Variants in CMBL observed in about 807,000 individuals in gnomAD.
The protein encoded by CMBL is carboxymethylenebutenolidase homolog (Pseudomonas).
A neutral mutation model predicts 28.7 loss-of-function variants in CMBL; 17 were observed. That is an observed-to-expected ratio of 0.59 (90% confidence interval 0.41 to 0.89). CMBL has a LOEUF of 0.89. CMBL is among the 40% of genes least tolerant of loss of function. The pLI is 0.00. For synonymous variants in CMBL, 106 were observed against 101.6 expected (o/e 1.04, Z -0.26); for missense variants, 310 against 298.5 (o/e 1.04, Z -0.28).
Position 10,280,345 on chromosome 5 carries a change from A to T in CMBL, c.*108T>A. On this transcript the variant is annotated 3_prime_UTR_variant, in exon 6 of 6. Transcript: ENST00000296658. Reference sequence around the variant, plus strand: ...TTCAAATGAAATAATCAATTTTAGGATTCCTACACTTATTTTATAAAAGTG... The same window carrying T: ...TTCAAATGAAATAATCAATTTTAGGTTTCCTACACTTATTTTATAAAAGTG... 1 of 777,882 alleles carries T rather than the reference A, an allele frequency of 1.3e-6. No homozygotes were observed. The highest frequency in any genetic ancestry group is 2.0e-6 in the Non-Finnish European group (1 of 507,044). The allele number at this position is 777,882 out of a possible 1,614,324, so 48.2% of individuals were successfully genotyped here. A position where few individuals can be genotyped will look rare whatever the true frequency, so the allele number is the denominator to read the frequency against.
intron 1 of CMBL, among the ~76,000 whole-genome samples, chr5:10,294,421 G>A (rs1420834136): frequency 6.6e-6 from 1 of 152,054 alleles, no homozygotes; most frequent in Non-Finnish European, 1.5e-5. Context: ...AAACTTAACT[G>A]GGCATGGTGG....
intron 5 of CMBL, among the ~76,000 whole-genome samples, chr5:10,281,576 T>G (rs367984026): frequency 1.2e-4 from 18 of 152,332 alleles, no homozygotes; most frequent in Admixed American, 7.8e-4. Context: ...CTGACTTTGT[T>G]TAATAAATCC....
intron 1 of CMBL, among the ~76,000 whole-genome samples, chr5:10,302,100 G>A (rs1367364183): frequency 6.6e-6 from 1 of 152,168 alleles, no homozygotes; most frequent in Non-Finnish European, 1.5e-5. Flanking sequence ...GCCAGGCCAC[G>A]CCTTGTGCCA....
At chr5:10,293,971 T>C (rs1319458284) in intron 1 of CMBL, among the ~76,000 whole-genome samples, 1 of 152,146 alleles carries the variant, frequency 6.6e-6, no homozygotes, top group South Asian at 2.1e-4. Flanking sequence ...AATGGTGTAT[T>C]GGGGAACAGC....
rs557767457 is a variant in CMBL at position 10,289,739 on chromosome 5, G to T, written c.215+809C>A. ...GGACGTGAAAAAGGAAAACTTCAAGGAAGGTCTTTTCATTCAGCACCGACT... is the reference window on the plus strand; with the variant it reads ...GGACGTGAAAAAGGAAAACTTCAAGTAAGGTCTTTTCATTCAGCACCGACT... On this transcript the variant is annotated intron_variant, in intron 2 of 5. Coordinates refer to ENST00000296658, the MANE Select transcript of CMBL (RefSeq NM_138809.4). The surrounding 1 kb of genome is among the most constrained non-coding windows in gnomAD (Gnocchi z 4.3). Among the ~76,000 whole-genome samples the T allele has an allele frequency of 2.1e-3, 327 of 152,318 alleles. No individual in the cohort carries two copies. The highest frequency in any genetic ancestry group is 2.1e-3 in the Non-Finnish European group (145 of 68,024).
intron 1 of CMBL, among the ~76,000 whole-genome samples, chr5:10,301,152 G>C (rs1320030885): frequency 6.6e-6 from 1 of 152,078 alleles, no homozygotes; most frequent in Admixed American, 6.6e-5. Flanking sequence ...GTTTTGATTT[G>C]AAGTATATAG....
chr5:10,292,330 C>G (rs1198541384), intron 1 of CMBL, among the ~76,000 whole-genome samples: 1 of 152,104 alleles, frequency 6.6e-6, no homozygotes, highest in East Asian at 1.9e-4. Flanking sequence ...CTTAGCCTCC[C>G]AAGTAGCTGG....
At chr5:10,296,783 C>T (rs530280285) in intron 1 of CMBL, among the ~76,000 whole-genome samples, 62 of 152,174 alleles carry the variant, frequency 4.1e-4, no homozygotes, top group Non-Finnish European at 7.6e-4. Flanking sequence ...ACAATGAATG[C>T]TGAGTGTTGC....
chr5:10,301,543 C>A (rs532861070), intron 1 of CMBL, among the ~76,000 whole-genome samples: 8 of 151,688 alleles, frequency 5.3e-5, no homozygotes, highest in African/African-American at 1.9e-4. Flanking sequence ...GACTGCCCCA[C>A]CCCTCAGACA....
rs1310838613 is a variant in CMBL at position 10,279,551 on chromosome 5, T to C, written c.*902A>G. On this transcript the variant is annotated 3_prime_UTR_variant, in exon 6 of 6. Transcript: ENST00000296658. ...GTCCTTGAACAGCTGTAGGTTTTTT[T>C]TTTTTTTTGAGACAGAGTCTCCCTC... The C allele has an allele frequency of 6.6e-6, 1 of 152,058 alleles. No individual in the cohort carries two copies. Among genetic ancestry groups the C allele is most frequent in the Admixed American group, 6.6e-5 (1 of 15,266 alleles). 9.4% of individuals were successfully genotyped at this position (152,058 alleles called of 1,614,324 possible).
chr5:10,290,228 G>C (rs1746682629), intron 2 of CMBL, among the ~76,000 whole-genome samples: 1 of 152,224 alleles, frequency 6.6e-6, no homozygotes, highest in Non-Finnish European at 1.5e-5. Flanking sequence ...TTTGACAGCA[G>C]GTGAGGCTGG....
intron 1 of CMBL, among the ~76,000 whole-genome samples, chr5:10,291,673 A>AAAG (rs1554013734): frequency 2.0e-5 from 3 of 152,094 alleles, no homozygotes; most frequent in Non-Finnish European, 4.4e-5. Context: ...AAACAAAAAA[A>AAAG]AAAAGAAAAG....
At chr5:10,284,211 G>A (rs1417262932) in intron 4 of CMBL, among the ~76,000 whole-genome samples, 1 of 152,214 alleles carries the variant, frequency 6.6e-6, no homozygotes, top group African/African-American at 2.4e-5. Flanking sequence ...ACTCCCGACC[G>A]CCTTTTGCTA....
At chr5:10,304,212 T>A (rs1746959456) in intron 1 of CMBL, among the ~76,000 whole-genome samples, 1 of 148,128 alleles carries the variant, frequency 6.8e-6, no homozygotes, top group South Asian at 2.1e-4. Context: ...AAAAAAAAAA[T>A]TAGAAAATTA....
intron 3 of CMBL, 28 bp downstream of exon 3, chr5:10,288,394 C>A (rs1236258450): frequency 6.5e-7 from 1 of 1,544,116 alleles, no homozygotes; most frequent in Middle Eastern, 1.7e-4. Flanking sequence ...CCACAACGTG[C>A]ACATGGCCAC....
intron 1 of CMBL, among the ~76,000 whole-genome samples, chr5:10,291,181 T>G (rs1443737231): frequency 6.6e-6 from 1 of 151,890 alleles, no homozygotes; most frequent in Admixed American, 6.6e-5. Context: ...TGTGTCGACG[T>G]GTAGAAAGAG....
In CMBL at chr5:10,305,232, G is replaced by A. The variant is rs963801423; in HGVS notation, c.-20+2393C>T. 4.0e-5 allele frequency among the ~76,000 whole-genome samples: 6 copies of A among 149,828 alleles called. No homozygotes were observed. In the South Asian group the frequency reaches 1.3e-3, roughly 31 times the overall value. Reference sequence around the variant, plus strand: ...GCAGGACACCCTGGTGGCCATGTTCGTCGGCAATGCCCACACTGGCCACCA... The same window carrying A: ...GCAGGACACCCTGGTGGCCATGTTCATCGGCAATGCCCACACTGGCCACCA... On this transcript the variant is annotated intron_variant, in intron 1 of 5. Transcript: ENST00000296658.
Position 10,288,502 on chromosome 5 carries a change from C to A in CMBL, c.243G>T (p.Gly81=). The A allele has an allele frequency of 2.5e-6, 4 of 1,613,870 alleles. No individual in the cohort carries two copies. The highest frequency in any genetic ancestry group is 3.4e-6 in the Non-Finnish European group (4 of 1,179,798). The change falls in exon 3 of 6, where the codon GGG becomes GGT. Residue 81 remains glycine (G), a synonymous_variant. Transcript: ENST00000296658. The part of the protein sequence containing the change: ...YTTIVPDFFV[G]QEPWDPSGDW... ...CGCCAGAGGGGTCCCAAGGCTCTTG[C>A]CCTACAAAGAAGTCTGGAACAATGG...
chr5:10,295,059 G>T (rs1244133364), intron 1 of CMBL, among the ~76,000 whole-genome samples: 1 of 151,872 alleles, frequency 6.6e-6, no homozygotes, highest in Non-Finnish European at 1.5e-5. Flanking sequence ...TGCAGATCCT[G>T]TATTGATGAA....
Sources: allele counts gnomAD v4.1 joint callset (sites outside exome capture counted in the v4.1 genomes callset), GRCh38; gene constraint gnomAD v4.1.1; non-coding constraint Gnocchi (gnomAD v3.1); transcripts MANE v1.5; gene names NCBI Gene and HGNC (gene_info 2026-07-23, HGNC 2026-07-21).